The following SHC3 variants were observed in gnomAD, a reference collection of about 807,000 sequenced individuals.
SHC3 encodes the protein SHC adaptor protein 3.
A neutral mutation model predicts 60.4 loss-of-function variants in SHC3; 15 were observed. The observed-to-expected ratio is 0.25, with a 90% CI of 0.17 to 0.38. SHC3 has a LOEUF of 0.38. Ranked by LOEUF, SHC3 falls within the 10% of genes least tolerant of loss-of-function variation. SHC3 has a pLI of 1.00. For missense variants in SHC3, 677 were observed against 786.1 expected (o/e 0.86, Z 1.66); for synonymous variants, 294 against 325.9 (o/e 0.90, Z 1.05).
chr9:89,149,650 C>T (rs1403637980), intron 1 of SHC3, among the ~76,000 whole-genome samples: 1 of 152,056 alleles, frequency 6.6e-6, no homozygotes, highest in Non-Finnish European at 1.5e-5. Flanking sequence ...GTACTTTTTA[C>T]AAGTATTTTA....
chr9:89,091,841 A>G (rs954613064), intron 2 of SHC3, among the ~76,000 whole-genome samples: 3 of 152,228 alleles, frequency 2.0e-5, no homozygotes, highest in Admixed American at 6.5e-5. Context: ...TGTCTAATAA[A>G]CATTTTTTAA....
In SHC3 at chr9:89,077,865, G is replaced by A. The variant is rs771174957; in HGVS notation, c.584C>T (p.Ala195Val). The A allele has an allele frequency of 3.7e-6, 6 of 1,614,166 alleles. No homozygotes were observed. The highest frequency in any genetic ancestry group is 1.6e-4 in the Middle Eastern group (1 of 6,062). ...CTTTCTCTTCTTGAAGGCTCCCTTC[G>A]CACCAGGCACAGCTTCACAGACGCG... ...ISRVCEAVPG[A>V]KGAFKKRKPP... The change falls in exon 3 of 12, where the codon GCG becomes GTG. Residue 195 changes from alanine to valine, a missense_variant. Transcript: ENST00000375835.
chr9:89,027,380 C>T (rs1272778734), intron 11 of SHC3, among the ~76,000 whole-genome samples: 1 of 140,702 alleles, frequency 7.1e-6, no homozygotes, highest in Non-Finnish European at 1.5e-5. Context: ...AGTGCAGTGG[C>T]ACGATCTCGG....
At chr9:89,135,061 A>T (rs193052175) in intron 1 of SHC3, among the ~76,000 whole-genome samples, 79 of 152,292 alleles carry the variant, frequency 5.2e-4, no homozygotes, top group African/African-American at 1.9e-3. Flanking sequence ...ATTTTTGAGT[A>T]ATCTTAATTT....
rs764795129 is a variant in SHC3, at chr9:89,037,994, G to C, written c.1655C>G (p.Thr552Arg). 6.2e-7 allele frequency: 1 copy of C among 1,606,400 alleles called. No individual in the cohort carries two copies. Among genetic ancestry groups the C allele is most frequent in the Admixed American group, 1.7e-5 (1 of 60,018 alleles). Residue 552 changes from threonine (T) to arginine (R), a missense_variant and splice_region_variant, in exon 11 of 12, where the codon ACG becomes AGG. Transcript: ENST00000375835. ...GCCCCACCCCCACTGGGTGCTCACC[G>C]TGCCTTCTGGGTCCACGAGCAGCAG... ...KHLLLVDPEG[T>R]IRTKDRVFDS...
chr9:89,096,983 C>T (rs1192696891), intron 2 of SHC3, among the ~76,000 whole-genome samples: 1 of 152,080 alleles, frequency 6.6e-6, no homozygotes, highest in Non-Finnish European at 1.5e-5. Context: ...ACTGCTTGGA[C>T]CAGCCAGGGT....
chr9:89,115,429 T>C (rs1369801076), intron 1 of SHC3, among the ~76,000 whole-genome samples: 5 of 152,150 alleles, frequency 3.3e-5, no homozygotes, highest in African/African-American at 9.7e-5. Flanking sequence ...TCAGAGATAT[T>C]ATAAATACCA....
At chr9:89,078,911 C>T (rs76447711) in intron 2 of SHC3, among the ~76,000 whole-genome samples, 18 of 152,286 alleles carry the variant, frequency 1.2e-4, no homozygotes, top group African/African-American at 4.3e-4. Context: ...ATAAACTTTC[C>T]GAGCTCAATA....
intron 2 of SHC3, among the ~76,000 whole-genome samples, chr9:89,089,753 T>A (rs1347876522): frequency 6.6e-6 from 1 of 152,150 alleles, no homozygotes; most frequent in Non-Finnish European, 1.5e-5. Context: ...CTTGGGGGCA[T>A]GAGGATGGGG....
At chr9:89,117,818 G>A (rs1390532906) in intron 1 of SHC3, among the ~76,000 whole-genome samples, 1 of 151,610 alleles carries the variant, frequency 6.6e-6, no homozygotes, top group African/African-American at 2.4e-5. Context: ...AATTCATTCG[G>A]AATGCATTTG....
intron 1 of SHC3, among the ~76,000 whole-genome samples, chr9:89,143,430 C>T (rs1826423657): frequency 6.6e-6 from 1 of 152,098 alleles, no homozygotes; most frequent in Non-Finnish European, 1.5e-5. Context: ...CATCCTGTGA[C>T]TTAGAATGCC....
chr9:89,119,986 A>G (rs1826069843), intron 1 of SHC3, among the ~76,000 whole-genome samples: 1 of 152,188 alleles, frequency 6.6e-6, no homozygotes, highest in Admixed American at 6.5e-5. Flanking sequence ...GTACATTAAG[A>G]AGAGAATCCA....
intron 2 of SHC3, among the ~76,000 whole-genome samples, chr9:89,093,187 A>G (rs1825650871): frequency 6.6e-6 from 1 of 152,248 alleles, no homozygotes; most frequent in African/African-American, 2.4e-5. Context: ...GCAATAACAC[A>G]CAACACAGGT....
At chr9:89,028,723 G>T (rs1249177795) in intron 11 of SHC3, among the ~76,000 whole-genome samples, 1 of 141,750 alleles carries the variant, frequency 7.1e-6, no homozygotes, top group African/African-American at 2.6e-5. Context: ...TCTATATAGA[G>T]AATATATATT....
intron 1 of SHC3, among the ~76,000 whole-genome samples, chr9:89,136,049 A>C (rs999362370): frequency 6.6e-6 from 1 of 152,192 alleles, no homozygotes; most frequent in Non-Finnish European, 1.5e-5. Flanking sequence ...CTCAAGAGTC[A>C]TGAATGACCC....
At chr9:89,114,021 C>A (rs925045274) in intron 1 of SHC3, among the ~76,000 whole-genome samples, 4 of 152,140 alleles carry the variant, frequency 2.6e-5, no homozygotes, top group Non-Finnish European at 5.9e-5. Context: ...AACACCAAAG[C>A]CACCATTGCA....
At chr9:89,030,909 G>T (rs1046381212) in intron 11 of SHC3, among the ~76,000 whole-genome samples, 4 of 152,124 alleles carry the variant, frequency 2.6e-5, no homozygotes, top group African/African-American at 9.6e-5. Context: ...TCTGTCCCCT[G>T]TAATTTTTTT....
intron 6 of SHC3, among the ~76,000 whole-genome samples, chr9:89,058,511 A>G (rs1181516687): frequency 2.9e-5 from 4 of 138,462 alleles, no homozygotes; most frequent in Admixed American, 2.2e-4. Context: ...GTAGTGGAGG[A>G]TGCGGTGGAG....
chr9:89,162,280 G>A (rs1351749559), intron 1 of SHC3, among the ~76,000 whole-genome samples: 53 of 151,268 alleles, frequency 3.5e-4, no homozygotes, highest in Middle Eastern at 6.8e-3. Context: ...AGCCCGCATC[G>A]CCAAGTCAAT....
Sources: gnomAD v4.1 joint callset for allele counts (sites outside exome capture counted in the v4.1 genomes callset) on GRCh38, gnomAD v4.1.1 for gene constraint, MANE v1.5 for transcripts, NCBI Gene and HGNC (gene_info 2026-07-23, HGNC 2026-07-21) for gene names.